The following MACROD2 variants were observed in gnomAD, a reference collection of about 807,000 sequenced individuals.
MACROD2 encodes mono-ADP ribosylhydrolase 2.
In MACROD2, 36 loss-of-function variants were observed where a neutral mutation model predicts 70.4. The ratio of observed to expected loss-of-function variants is 0.51; its 90% confidence interval spans 0.39 to 0.68. The LOEUF is 0.68. Ranked by LOEUF, MACROD2 falls within the 30% of genes least tolerant of loss-of-function variation. The probability of loss-of-function intolerance (pLI) is 0.00; values close to 1 mark genes in which losing one functional copy is unlikely to be tolerated. For missense variants in MACROD2, 496 were observed against 538.4 expected (o/e 0.92, Z 0.78); for synonymous variants, 172 against 178.8 (o/e 0.96, Z 0.30).
intron 5 of MACROD2, among the ~76,000 whole-genome samples, chr20:14,705,530 T>C (rs1266571140): frequency 6.6e-6 from 1 of 152,136 alleles, no homozygotes; most frequent in Non-Finnish European, 1.5e-5. Flanking sequence ...CCCATTAGAC[T>C]TGTGGTTCTT....
chr20:14,528,232 C>T (rs2085257171), intron 4 of MACROD2, among the ~76,000 whole-genome samples: 2 of 151,674 alleles, frequency 1.3e-5, no homozygotes, highest in Non-Finnish European at 2.9e-5. Flanking sequence ...GCCTCAGCCT[C>T]CCAAGTAGCT....
chr20:14,051,031 A>G (rs2053559910), intron 2 of MACROD2, among the ~76,000 whole-genome samples: 1 of 152,212 alleles, frequency 6.6e-6, no homozygotes, highest in Non-Finnish European at 1.5e-5. Flanking sequence ...ATTGAAATAT[A>G]CTTGTGAAAA....
At chr20:14,743,120 C>G (rs943400010) in intron 5 of MACROD2, among the ~76,000 whole-genome samples, 2 of 151,252 alleles carry the variant, frequency 1.3e-5, no homozygotes. Flanking sequence ...TAATAAAACT[C>G]AAATGTATTT....
chr20:15,752,792 G>T (rs995591868), intron 8 of MACROD2, among the ~76,000 whole-genome samples: 10 of 151,938 alleles, frequency 6.6e-5, no homozygotes, highest in African/African-American at 2.4e-4. Flanking sequence ...ACCAAGATTT[G>T]TTTCTCTCAT....
At chr20:15,225,165 G>C (rs1416647873) in intron 5 of MACROD2, among the ~76,000 whole-genome samples, 1 of 151,926 alleles carries the variant, frequency 6.6e-6, no homozygotes, top group African/African-American at 2.4e-5. Context: ...AATTATTGAG[G>C]CTAGGAAAAT....
At chr20:14,215,252 GTA>G (rs917006710) in intron 3 of MACROD2, among the ~76,000 whole-genome samples, 7 of 136,436 alleles carry the variant, frequency 5.1e-5, no homozygotes, top group Admixed American at 1.5e-4. Flanking sequence ...CATCATATAT[GTA>G]TATTCCATCA....
intron 4 of MACROD2, among the ~76,000 whole-genome samples, chr20:14,640,818 C>A (rs1985049226): frequency 6.6e-6 from 1 of 152,192 alleles, no homozygotes; most frequent in African/African-American, 2.4e-5. Flanking sequence ...TGCTAGCAAT[C>A]ATCTGAGCCT....
At chr20:14,191,315 T>G (rs1056804765) in intron 3 of MACROD2, among the ~76,000 whole-genome samples, 8 of 152,180 alleles carry the variant, frequency 5.3e-5, no homozygotes, top group African/African-American at 1.9e-4. Context: ...TGATTCCAGA[T>G]TCTAGTGTTA....
intron 8 of MACROD2, among the ~76,000 whole-genome samples, chr20:15,744,961 A>G (rs73107333): frequency 0.13 from 19,858 of 152,194 alleles, 1,468 homozygotes; most frequent in Non-Finnish European, 0.16. Context: ...CTACAAAAAA[A>G]GATAAAAACT....
intron 5 of MACROD2, among the ~76,000 whole-genome samples, chr20:14,796,746 A>T (rs980580056): frequency 9.2e-5 from 14 of 152,084 alleles, no homozygotes; most frequent in Non-Finnish European, 5.9e-5. Flanking sequence ...TGATATGTAT[A>T]CATAGCTTTA....
intron 10 of MACROD2, among the ~76,000 whole-genome samples, chr20:15,897,140 C>A (rs994862002): frequency 1.3e-5 from 2 of 152,014 alleles, no homozygotes; most frequent in African/African-American, 4.8e-5. Flanking sequence ...GTCTCTCAGG[C>A]CTTATTTGTC....
At chr20:14,695,752 C>A (rs1300268510) in intron 5 of MACROD2, among the ~76,000 whole-genome samples, 1 of 152,242 alleles carries the variant, frequency 6.6e-6, no homozygotes, top group African/African-American at 2.4e-5. Flanking sequence ...CCTGCCCAAT[C>A]AAGCTTTCCG....
At chr20:14,311,702 G>C (rs965133883) in intron 3 of MACROD2, among the ~76,000 whole-genome samples, 11 of 152,030 alleles carry the variant, frequency 7.2e-5, no homozygotes, top group African/African-American at 2.4e-4. Context: ...ATTTTTAGTA[G>C]AGACGGGGTT....
rs11472322 is a variant in MACROD2 at position 15,782,717 on chromosome 20, C to CAAAAAAAAAA, written c.646-80015_646-80006dup. On this transcript the variant is annotated intron_variant, in intron 8 of 17. Coordinates refer to ENST00000684519, the MANE Select transcript of MACROD2 (RefSeq NM_001351661.2). ...GAGACATATGCAGATAGAGAAATGG[C>CAAAAAAAAAA]AAAAAAAAAAAAAAAAAAAAAAGTT... is the stretch of plus-strand genomic sequence containing the variant. Among the ~76,000 whole-genome samples, 11 of 83,358 alleles carry CAAAAAAAAAA rather than the reference C, an allele frequency of 1.3e-4. 1 individual carries two copies. The highest frequency in any genetic ancestry group is 1.7e-4 in the Non-Finnish European group (7 of 41,058). 54.7% of individuals were successfully genotyped at this position (83,358 alleles called of 152,430 possible).
chr20:14,809,066 G>A lies in MACROD2; in HGVS notation c.418+124107G>A, dbSNP rs573700978. ...CAAGGATATTCAGGACTTGAACTCA[G>A]CTCTGGACCAAGTGGACCTAATAGA... On this transcript the variant is annotated intron_variant, in intron 5 of 17. Transcript: ENST00000684519. Among the ~76,000 whole-genome samples, 10 of 152,194 alleles carry A rather than the reference G, an allele frequency of 6.6e-5. No homozygotes were observed. In the South Asian group the frequency reaches 2.1e-3, roughly 32 times the overall value.
intron 4 of MACROD2, among the ~76,000 whole-genome samples, chr20:14,655,822 C>G (rs955554760): frequency 4.6e-5 from 7 of 152,152 alleles, no homozygotes; most frequent in African/African-American, 1.7e-4. Flanking sequence ...TGCTGTCAAG[C>G]ATTTCAGGTA....
At chr20:15,936,095 A>G (rs1413396752) in intron 11 of MACROD2, among the ~76,000 whole-genome samples, 1 of 152,066 alleles carries the variant, frequency 6.6e-6, no homozygotes, top group Non-Finnish European at 1.5e-5. Context: ...TCATGCATAT[A>G]TGAGTTATCT....
intron 10 of MACROD2, among the ~76,000 whole-genome samples, chr20:15,891,536 G>A (rs2064889759): frequency 6.6e-6 from 1 of 152,146 alleles, no homozygotes; most frequent in African/African-American, 2.4e-5. Context: ...AGGCTAGAGG[G>A]TTATGAGATG....
chr20:15,947,687 A>T (rs1161427666), intron 12 of MACROD2, among the ~76,000 whole-genome samples: 1 of 152,172 alleles, frequency 6.6e-6, no homozygotes, highest in Non-Finnish European at 1.5e-5. Flanking sequence ...TGCACATAGT[A>T]GGTCCTCATA....
Sources: allele counts gnomAD v4.1 joint callset (sites outside exome capture counted in the v4.1 genomes callset), GRCh38; gene constraint gnomAD v4.1.1; transcripts MANE v1.5; gene names NCBI Gene and HGNC (gene_info 2026-07-23, HGNC 2026-07-21).